The following FOXP1 variants were observed in gnomAD, a reference collection of about 807,000 sequenced individuals.
FOXP1 encodes the protein forkhead box protein P1.
In FOXP1, 15 loss-of-function variants were observed where a neutral mutation model predicts 98.2. The ratio of observed to expected loss-of-function variants is 0.15; its 90% CI spans 0.10 to 0.24. The LOEUF (loss-of-function observed/expected upper bound fraction) is 0.24, where lower values mean the gene tolerates loss of function less well. Among genes scored for constraint, FOXP1 ranks in the 10% least tolerant of loss-of-function variants. The pLI, the probability that FOXP1 is intolerant of heterozygous loss-of-function variation, is 1.00. For missense variants in FOXP1, 633 were observed against 848.5 expected (o/e 0.75, Z 3.15); for synonymous variants, 371 against 314.5 (o/e 1.18, Z -1.90).
At chr3:71,559,733 G>C (rs996365531) in intron 2 of FOXP1, among the ~76,000 whole-genome samples, 1 of 152,170 alleles carries the variant, frequency 6.6e-6, no homozygotes, top group Non-Finnish European at 1.5e-5. Flanking sequence ...TGTAGTCCCA[G>C]CTACTCAGAG....
intron 6 of FOXP1, among the ~76,000 whole-genome samples, chr3:71,170,246 C>T (rs1323709415): frequency 2.0e-5 from 3 of 152,190 alleles, no homozygotes; most frequent in African/African-American, 7.2e-5. Context: ...TTAAAGTGAA[C>T]TGCAAAACAC....
intron 3 of FOXP1, among the ~76,000 whole-genome samples, chr3:71,411,278 CGTGTGTGTGTGTGTGTGTGTGTGTGTGT>C (rs58267668): frequency 7.1e-6 from 1 of 141,684 alleles, no homozygotes; most frequent in Non-Finnish European, 1.5e-5. Flanking sequence ...GCTGAATGGG[CGTGTGTGTGTGTGTGTGTGTGTGTGTGT>C]GTGTGTGTGT....
chr3:71,193,272 A>C (rs6801906), intron 6 of FOXP1, among the ~76,000 whole-genome samples: 2,978 of 106,114 alleles, frequency 0.028, 835 homozygotes, highest in African/African-American at 0.12. Context: ...CTCAGCCTCC[A>C]GAGTAGCTGG....
At chr3:70,981,450 T>C (rs1038684244) in intron 14 of FOXP1, among the ~76,000 whole-genome samples, 2 of 152,194 alleles carry the variant, frequency 1.3e-5, no homozygotes, top group African/African-American at 2.4e-5. Flanking sequence ...AATTACCAGA[T>C]AAAAATGTAT....
intron 3 of FOXP1, among the ~76,000 whole-genome samples, chr3:71,469,127 G>C (rs1428998475): frequency 2.0e-5 from 3 of 152,118 alleles, no homozygotes; most frequent in Non-Finnish European, 4.4e-5. Context: ...AACAATAAAA[G>C]TGCAAATTTA....
chr3:71,324,056 T>G (rs545772253), intron 4 of FOXP1, among the ~76,000 whole-genome samples: 2 of 152,118 alleles, frequency 1.3e-5, no homozygotes, highest in African/African-American at 4.8e-5. Context: ...TAATCATATC[T>G]ATCATTTAAA....
intron 6 of FOXP1, among the ~76,000 whole-genome samples, chr3:71,165,084 T>C (rs1216190187): frequency 2.0e-5 from 3 of 152,074 alleles, no homozygotes; most frequent in South Asian, 4.1e-4. Context: ...CCCATGAATT[T>C]TGGCAAAAAT....
At chr3:71,261,471 ATAGT>A (rs1297150222) in intron 5 of FOXP1, among the ~76,000 whole-genome samples, 1 of 151,876 alleles carries the variant, frequency 6.6e-6, no homozygotes. Flanking sequence ...TTTATTTCCG[ATAGT>A]TAGACCAAAA....
At chr3:71,017,485 G>A (rs1279927269) in intron 11 of FOXP1, among the ~76,000 whole-genome samples, 1 of 150,104 alleles carries the variant, frequency 6.7e-6, no homozygotes, top group Non-Finnish European at 1.5e-5. Flanking sequence ...TATTGTTATT[G>A]TAGAAAACTT....
chr3:71,319,979 A>C (rs2075298674), intron 4 of FOXP1, among the ~76,000 whole-genome samples: 1 of 151,970 alleles, frequency 6.6e-6, no homozygotes, highest in Admixed American at 6.6e-5. Flanking sequence ...ACCCTGACCA[A>C]CACTTGCCGG....
In FOXP1 at chr3:71,359,198, G is replaced by A. The variant is rs1186146496; in HGVS notation, c.-121C>T. ...AGCCATAAAAAGCCTGGGGTCACTG[G>A]GAGGGGGCATGCATAATGCCACAGG... is the stretch of plus-strand genomic sequence containing the variant. On this transcript the variant is annotated 5_prime_UTR_variant, in exon 4 of 21. Coordinates refer to ENST00000649528, the MANE Select transcript of FOXP1 (RefSeq NM_001349338.3). 1 of 152,170 alleles carries A rather than the reference G, an allele frequency of 6.6e-6. No individual in the cohort carries two copies. Among genetic ancestry groups the A allele is most frequent in the Non-Finnish European group, 1.5e-5 (1 of 68,052 alleles). 9.4% of individuals were successfully genotyped at this position (152,170 alleles called of 1,614,324 possible). A position where few individuals can be genotyped will look rare whatever the true frequency, so the allele number is the denominator to read the frequency against.
chr3:71,430,821 G>C (rs931099315), intron 3 of FOXP1, among the ~76,000 whole-genome samples: 18 of 152,284 alleles, frequency 1.2e-4, no homozygotes, highest in African/African-American at 3.6e-4. Flanking sequence ...TGTTGGGGGA[G>C]GGGAGGCGGC....
In FOXP1 at chr3:71,161,604, G is replaced by C. The variant is rs575010087; in HGVS notation, c.180+36598C>G. ...ACTTAGACTCTACCTCTTGAAGAAA[G>C]GAATGGAAAAGAATGTGTGGCCACT... On this transcript the variant is annotated intron_variant, in intron 6 of 20. Transcript: ENST00000649528. 7.9e-5 allele frequency among the ~76,000 whole-genome samples: 12 copies of C among 152,298 alleles called. No individual in the cohort carries two copies. The East Asian group carries it at 2.3e-3, about 29-fold the overall frequency.
At chr3:71,035,106 T>A (rs2047406392) in intron 11 of FOXP1, among the ~76,000 whole-genome samples, 1 of 152,156 alleles carries the variant, frequency 6.6e-6, no homozygotes, top group Non-Finnish European at 1.5e-5. Context: ...ACAATGCAGA[T>A]CCTGATGCAG....
chr3:71,024,713 G>C (rs1399221181), intron 11 of FOXP1, among the ~76,000 whole-genome samples: 1 of 152,182 alleles, frequency 6.6e-6, no homozygotes, highest in African/African-American at 2.4e-5. Flanking sequence ...CTGTGAATTA[G>C]TCTATTAAGT....
At chr3:71,385,392 G>C (rs945862218) in intron 3 of FOXP1, among the ~76,000 whole-genome samples, 1 of 152,094 alleles carries the variant, frequency 6.6e-6, no homozygotes, top group African/African-American at 2.4e-5. Flanking sequence ...TCTGCGTGTT[G>C]GCCTGAACCA....
At chr3:71,143,686 G>T (rs1219170572) in intron 6 of FOXP1, among the ~76,000 whole-genome samples, 1 of 152,108 alleles carries the variant, frequency 6.6e-6, no homozygotes, top group African/African-American at 2.4e-5. Context: ...TTGAGCCCAG[G>T]AGTTAGAGGC....
chr3:71,001,765 C>T (rs1360063685), intron 12 of FOXP1, among the ~76,000 whole-genome samples: 1 of 152,180 alleles, frequency 6.6e-6, no homozygotes, highest in Non-Finnish European at 1.5e-5. Flanking sequence ...AAAAGGCTAA[C>T]AAATTGAAAT....
chr3:71,422,908 G>A (rs1280562668), intron 3 of FOXP1, among the ~76,000 whole-genome samples: 1 of 151,938 alleles, frequency 6.6e-6, no homozygotes, highest in Non-Finnish European at 1.5e-5. Flanking sequence ...TCTTTCATAT[G>A]GAGAAAACAC....
Sources: gnomAD v4.1 joint callset for allele counts (sites outside exome capture counted in the v4.1 genomes callset) on GRCh38, gnomAD v4.1.1 for gene constraint, MANE v1.5 for transcripts, NCBI Gene and HGNC (gene_info 2026-07-23, HGNC 2026-07-21) for gene names.